Variants in UBLCP1 observed in about 807,000 individuals in gnomAD.
UBLCP1 encodes the protein ubiquitin-like domain-containing CTD phosphatase 1.
A neutral mutation model predicts 42.4 loss-of-function variants in UBLCP1; 28 were observed. That is an observed-to-expected ratio of 0.66 (90% confidence interval 0.49 to 0.90). The LOEUF is 0.90. Among genes scored for constraint, UBLCP1 ranks in the 40% least tolerant of loss-of-function variants. The probability of loss-of-function intolerance (pLI) is 0.00; values close to 1 mark genes in which losing one functional copy is unlikely to be tolerated. For synonymous variants in UBLCP1, 122 were observed against 120.8 expected, an observed-to-expected ratio of 1.01 and a Z score of -0.07; for missense variants, 279 against 374.5, an observed-to-expected ratio of 0.75 and a Z score of 2.10.
chr5:159,275,242 T>C lies in UBLCP1; in HGVS notation c.680T>C (p.Ile227Thr). ...ITVHTPRRGL[I>T]DVKPLGVIWG... ...GTACATACTCCAAGGAGAGGATTAA[T>C]AGACGTAAGAAGTCATTTTATTTCT... Residue 227 changes from isoleucine to threonine, a missense_variant, in exon 8 of 11, where the codon ATA (isoleucine) becomes ACA (threonine). Coordinates refer to ENST00000296786, the MANE Select transcript of UBLCP1 (RefSeq NM_145049.5). 1 of 1,610,146 alleles carries C rather than the reference T, an allele frequency of 6.2e-7. No individual in the cohort carries two copies. Among genetic ancestry groups the C allele is most frequent in the Non-Finnish European group, 8.5e-7 (1 of 1,177,870 alleles).
rs117047159 is a variant in UBLCP1, at chr5:159,278,822, C to T, written c.801+468C>T. Among the ~76,000 whole-genome samples the T allele has an allele frequency of 2.2e-3, 338 of 152,198 alleles. 6 individuals carry two copies. In the South Asian group the frequency reaches 0.03, roughly 14 times the overall value. ...TCCTGTCCTCGTGATCTGCCCACCT[C>T]GACCTCCCACAAGTGCTGGGATTAC... On this transcript the variant is annotated intron_variant, in intron 9 of 10. Coordinates refer to ENST00000296786, the MANE Select transcript of UBLCP1 (RefSeq NM_145049.5).
chr5:159,275,994 G>A (rs1753531692), intron 8 of UBLCP1, among the ~76,000 whole-genome samples: 1 of 152,160 alleles, frequency 6.6e-6, no homozygotes, highest in Admixed American at 6.5e-5. Flanking sequence ...TCAGAGAAAA[G>A]GGTTTGGCTA....
At chr5:159,276,454 A>C (rs540860396) in intron 8 of UBLCP1, among the ~76,000 whole-genome samples, 1 of 152,346 alleles carries the variant, frequency 6.6e-6, no homozygotes, top group East Asian at 1.9e-4. Context: ...TGTATCGAGA[A>C]AAAGATAACT....
intron 1 of UBLCP1, among the ~76,000 whole-genome samples, chr5:159,266,906 G>A (rs1753401081): frequency 6.6e-6 from 1 of 152,228 alleles, no homozygotes; most frequent in African/African-American, 2.4e-5. Context: ...GATTTCAGAA[G>A]ATATATGGAA....
chr5:159,268,921 T>C lies in UBLCP1; in HGVS notation c.6T>C (p.Ala2=). 1 of 1,605,458 alleles carries C rather than the reference T, an allele frequency of 6.2e-7. No homozygotes were observed. The highest frequency in any genetic ancestry group is 8.5e-7 in the Non-Finnish European group (1 of 1,177,616). ...CTTCCTCATATGTTTCAAGAATGGCTCTCCCTATCATTGTAAAATGGGGTG... is the reference window on the plus strand; with the variant it reads ...CTTCCTCATATGTTTCAAGAATGGCCCTCCCTATCATTGTAAAATGGGGTG... The part of the protein sequence containing the change: M[A]LPIIVKWGGQ... The change falls in exon 2 of 11, where the codon GCT becomes GCC. Residue 2 remains alanine, a synonymous_variant. Transcript: ENST00000296786.
In UBLCP1 at chr5:159,282,460, T is replaced by C. The variant is rs142297783; in HGVS notation, c.802-752T>C. 2.2e-3 allele frequency among the ~76,000 whole-genome samples: 332 copies of C among 152,238 alleles called. 1 individual carries two copies. Among genetic ancestry groups the C allele is most frequent in the Non-Finnish European group, 4.0e-3 (269 of 67,966 alleles). ...ATTTATGCACAAATCTAGATGAAGA[T>C]TGCATATAAACATATGCATTCATAG... On this transcript the variant is annotated intron_variant, in intron 9 of 10. Coordinates refer to ENST00000296786, the MANE Select transcript of UBLCP1 (RefSeq NM_145049.5).
chr5:159,268,906 T>G lies in UBLCP1; in HGVS notation c.-10T>G. On this transcript the variant is annotated 5_prime_UTR_variant, in exon 2 of 11. The change abolishes an upstream ATG in the 5' untranslated region. Transcript: ENST00000296786. Reference sequence around the variant, plus strand: ...TCTGAAGGAAAGCTGCTTCCTCATATGTTTCAAGAATGGCTCTCCCTATCA... The same window carrying G: ...TCTGAAGGAAAGCTGCTTCCTCATAGGTTTCAAGAATGGCTCTCCCTATCA... 6.2e-7 allele frequency: 1 copy of G among 1,602,276 alleles called. No homozygotes were observed. Among genetic ancestry groups the G allele is most frequent in the South Asian group, 1.1e-5 (1 of 87,412 alleles).
intron 1 of UBLCP1, among the ~76,000 whole-genome samples, chr5:159,266,760 A>G (rs1753399266): frequency 6.6e-6 from 1 of 152,208 alleles, no homozygotes; most frequent in African/African-American, 2.4e-5. Context: ...CACTCCAGCC[A>G]TGGCTGAAAG....
intron 1 of UBLCP1, 49 bp downstream of exon 1, chr5:159,263,409 G>T (rs1484545647): frequency 6.6e-6 from 1 of 152,328 alleles, no homozygotes; most frequent in Admixed American, 6.5e-5. Flanking sequence ...AGACGCTGTT[G>T]GGGCTCGGGG....
At chr5:159,278,465 T>C (rs529981580) in intron 9 of UBLCP1, 111 bp downstream of exon 9, 2 of 786,116 alleles carry the variant, frequency 2.5e-6, no homozygotes, top group Non-Finnish European at 2.2e-6. Flanking sequence ...TGTATTCTTA[T>C]GTCATAGGCG....
rs1753654950 is a variant in UBLCP1 at position 159,285,038 on chromosome 5, C to T, written c.*107C>T. 2 of 990,824 alleles carry T rather than the reference C, an allele frequency of 2.0e-6. No individual in the cohort carries two copies. Among genetic ancestry groups the T allele is most frequent in the South Asian group, 3.0e-5 (2 of 67,790 alleles). 61.4% of individuals were successfully genotyped at this position (990,824 alleles called of 1,614,324 possible). A position where few individuals can be genotyped will look rare whatever the true frequency, so the allele number is the denominator to read the frequency against. Reference sequence around the variant, plus strand: ...GCTGGACACTGAAGCAAATACCATACTGCTTATACTTGGTCTTCCAGTTTT... The same window carrying T: ...GCTGGACACTGAAGCAAATACCATATTGCTTATACTTGGTCTTCCAGTTTT... On this transcript the variant is annotated 3_prime_UTR_variant, in exon 11 of 11. Coordinates refer to ENST00000296786, the MANE Select transcript of UBLCP1 (RefSeq NM_145049.5).
Position 159,278,268 on chromosome 5 carries a change from T to C in UBLCP1, c.715T>C (p.Phe239Leu), listed in dbSNP as rs1207455984. 5 of 1,613,782 alleles carry C rather than the reference T, an allele frequency of 3.1e-6. No individual in the cohort carries two copies. Among genetic ancestry groups the C allele is most frequent in the Non-Finnish European group, 4.2e-6 (5 of 1,179,824 alleles). Residue 239 changes from phenylalanine to leucine, a missense_variant, in exon 9 of 11, where the codon TTT becomes CTT. Transcript: ENST00000296786. The part of the protein sequence containing the change: ...VKPLGVIWGK[F>L]SEFYSKKNTI... ...GCCTCTTGGTGTTATATGGGGAAAG[T>C]TTTCGGAGTTTTACAGCAAGAAAAA...
intron 6 of UBLCP1, among the ~76,000 whole-genome samples, chr5:159,273,320 A>G (rs570511501): frequency 6.6e-6 from 1 of 152,310 alleles, no homozygotes; most frequent in African/African-American, 2.4e-5. Context: ...AACCTTTTAC[A>G]ATAGTATATT....
chr5:159,283,076 A>T, intron 9 of UBLCP1, 136 bp from the exon 10 acceptor site: 1 of 822,806 alleles, frequency 1.2e-6, no homozygotes, highest in Non-Finnish European at 1.8e-6. Flanking sequence ...TATTTAGGCT[A>T]ATATAAAAGT....
intron 8 of UBLCP1, among the ~76,000 whole-genome samples, chr5:159,277,763 G>T (rs547013126): frequency 1.9e-3 from 289 of 152,192 alleles, no homozygotes; most frequent in Non-Finnish European, 3.4e-3. Context: ...AAGACAAAAC[G>T]AGTTTTTCCT....
At chr5:159,265,760 C>T (rs1360780289) in intron 1 of UBLCP1, among the ~76,000 whole-genome samples, 1 of 152,146 alleles carries the variant, frequency 6.6e-6, no homozygotes, top group African/African-American at 2.4e-5. Context: ...GTGCTTTTTA[C>T]CTTCTGCCAT....
intron 8 of UBLCP1, 133 bp downstream of exon 8, chr5:159,275,379 G>T: frequency 2.1e-6 from 1 of 467,000 alleles, no homozygotes; most frequent in South Asian, 3.0e-5. Flanking sequence ...TTTTGACATA[G>T]GAAAATGTAT....
chr5:159,268,798 C>T, intron 1 of UBLCP1, 72 bp from the exon 2 acceptor site: 1 of 1,146,118 alleles, frequency 8.7e-7, no homozygotes, highest in Non-Finnish European at 1.2e-6. Context: ...AAACTGTACA[C>T]ATAAAACTTA....
chr5:159,274,487 A>G, intron 6 of UBLCP1, 98 bp from the exon 7 acceptor site: 2 of 1,005,792 alleles, frequency 2.0e-6, no homozygotes, highest in Admixed American at 5.0e-5. Flanking sequence ...TGATGCATTT[A>G]AACTTTTAGT....
Sources: allele counts gnomAD v4.1 joint callset (sites outside exome capture counted in the v4.1 genomes callset), GRCh38; gene constraint gnomAD v4.1.1; transcripts MANE v1.5; gene names NCBI Gene and HGNC (gene_info 2026-07-23, HGNC 2026-07-21).